Variants in CTNND2 observed in about 807,000 individuals in gnomAD.
CTNND2 encodes catenin delta-2.
In CTNND2, 22 loss-of-function variants were observed where a neutral mutation model predicts 144.4. The observed-to-expected ratio is 0.15, with a 90% CI of 0.11 to 0.22. CTNND2 has a LOEUF of 0.22. CTNND2 is among the 10% of genes least tolerant of loss of function. CTNND2 has a pLI of 1.00. For missense variants in CTNND2, 1,353 were observed against 1,618.8 expected, an observed-to-expected ratio of 0.84 and a Z score of 2.82; for synonymous variants, 751 against 695.6, an observed-to-expected ratio of 1.08 and a Z score of -1.25.
At position 11,384,492 on chromosome 5, in the gene CTNND2, T is replaced by C. The variant is rs1014383568; in HGVS notation, c.1177+173A>G. 9.8e-6 allele frequency: 6 copies of C among 610,186 alleles called. No homozygotes were observed. Among genetic ancestry groups the C allele is most frequent in the African/African-American group, 1.9e-5 (1 of 53,858 alleles). The allele number at this position is 610,186 out of a possible 1,614,324, so 37.8% of individuals were successfully genotyped here. Reference sequence around the variant, plus strand: ...TCCGGAAAAGAAGTCACTGACAAACTGTAGGGAAGATACTGACTTGTTCCA... The same window carrying C: ...TCCGGAAAAGAAGTCACTGACAAACCGTAGGGAAGATACTGACTTGTTCCA... On this transcript the variant is annotated intron_variant, in intron 7 of 21. Coordinates refer to ENST00000304623, the MANE Select transcript of CTNND2 (RefSeq NM_001332.4). This position sits in a 1 kb window ranked among gnomAD's most constrained non-coding sequence, Gnocchi z 5.2.
At chr5:11,345,056 G>A (rs1198546537) in intron 9 of CTNND2, among the ~76,000 whole-genome samples, 2 of 151,938 alleles carry the variant, frequency 1.3e-5, no homozygotes, top group African/African-American at 2.4e-5. Flanking sequence ...TTGTCTTTTA[G>A]CATTTCTTAA....
chr5:11,507,493 C>G (rs1447422042), intron 3 of CTNND2, among the ~76,000 whole-genome samples: 1 of 152,118 alleles, frequency 6.6e-6, no homozygotes, highest in Non-Finnish European at 1.5e-5. Context: ...CTCCTTCCTC[C>G]GTTGCATAAG....
chr5:10,978,496 G>T lies in CTNND2; in HGVS notation c.3417+3277C>A, dbSNP rs1035716044. Among the ~76,000 whole-genome samples, 7 of 133,370 alleles carry T rather than the reference G, an allele frequency of 5.2e-5. No homozygotes were observed. The South Asian group carries it at 1.1e-3, about 21-fold the overall frequency. The allele number at this position is 133,370 out of a possible 152,430, so 87.5% of individuals were successfully genotyped here. A position where few individuals can be genotyped will look rare whatever the true frequency, so the allele number is the denominator to read the frequency against. On this transcript the variant is annotated intron_variant, in intron 21 of 21. Coordinates refer to ENST00000304623, the MANE Select transcript of CTNND2 (RefSeq NM_001332.4). ...TATGATCTCCTTGGAAATACTTTTT[G>T]GGGAGGGGGGGGAACCCTCTCTTTG...
At chr5:11,528,997 T>C (rs569346473) in intron 3 of CTNND2, among the ~76,000 whole-genome samples, 6 of 152,216 alleles carry the variant, frequency 3.9e-5, no homozygotes, top group African/African-American at 1.2e-4. Context: ...TATGGAGTGA[T>C]GAAAATATGT....
chr5:11,768,041 G>T (rs1255649999), intron 1 of CTNND2, among the ~76,000 whole-genome samples: 1 of 151,992 alleles, frequency 6.6e-6, no homozygotes, highest in Non-Finnish European at 1.5e-5. Context: ...TCCAAAATGG[G>T]AGTTGACCTG....
At chr5:11,787,759 T>C (rs1790910537) in intron 1 of CTNND2, among the ~76,000 whole-genome samples, 1 of 152,216 alleles carries the variant, frequency 6.6e-6, no homozygotes, top group African/African-American at 2.4e-5. Flanking sequence ...ATGGATTACT[T>C]TGTACAGTTA....
At chr5:11,443,357 G>T (rs1429692334) in intron 3 of CTNND2, among the ~76,000 whole-genome samples, 5 of 50,974 alleles carry the variant, frequency 9.8e-5, no homozygotes, top group Non-Finnish European at 1.4e-4. Context: ...GTGTGGGAGG[G>T]TGTGTGGGGG....
At chr5:11,641,631 C>T (rs934903891) in intron 2 of CTNND2, among the ~76,000 whole-genome samples, 14 of 137,554 alleles carry the variant, frequency 1.0e-4, no homozygotes, top group South Asian at 2.2e-4. Context: ...TATACATATA[C>T]GTGTGTGTAT....
chr5:11,711,145 T>C (rs1335788551), intron 2 of CTNND2, among the ~76,000 whole-genome samples: 1 of 152,126 alleles, frequency 6.6e-6, no homozygotes. Flanking sequence ...AACCTCTGCC[T>C]CCTGGGTTCA....
At chr5:11,018,572 G>GT (rs1741876319) in intron 17 of CTNND2, among the ~76,000 whole-genome samples, 1 of 152,172 alleles carries the variant, frequency 6.6e-6, no homozygotes, top group Non-Finnish European at 1.5e-5. Context: ...TGCTACCCCA[G>GT]TGAACACACG....
intron 2 of CTNND2, among the ~76,000 whole-genome samples, chr5:11,606,489 G>C (rs1393061404): frequency 6.6e-6 from 1 of 152,144 alleles, no homozygotes; most frequent in Non-Finnish European, 1.5e-5. Context: ...AGGGAATGGA[G>C]GGATCATTTA....
In CTNND2 at chr5:11,466,706, C is replaced by G. The variant is rs61757536; in HGVS notation, c.288-54637G>C. ...GAGGGCATACCTCATGAGATATTGACAAGATGACATTTCCAAGGCCCACAT... is the reference window on the plus strand; with the variant it reads ...GAGGGCATACCTCATGAGATATTGAGAAGATGACATTTCCAAGGCCCACAT... On this transcript the variant is annotated intron_variant, in intron 3 of 21. Transcript: ENST00000304623. 2.7e-3 allele frequency among the ~76,000 whole-genome samples: 405 copies of G among 152,230 alleles called. 2 individuals are homozygous for G. Among genetic ancestry groups the G allele is most frequent in the Non-Finnish European group, 4.3e-3 (295 of 68,006 alleles).
intron 9 of CTNND2, among the ~76,000 whole-genome samples, chr5:11,259,480 G>A (rs1414418078): frequency 2.0e-5 from 3 of 152,192 alleles, no homozygotes; most frequent in Non-Finnish European, 4.4e-5. Context: ...ATTACATGAT[G>A]CAGCCCACTG....
At chr5:11,410,789 A>AT (rs531026134) in intron 5 of CTNND2, among the ~76,000 whole-genome samples, 7 of 151,488 alleles carry the variant, frequency 4.6e-5, no homozygotes, top group South Asian at 2.1e-4. Flanking sequence ...AGAGTACACC[A>AT]TTTTTTTTCC....
At position 11,585,997 on chromosome 5, in the gene CTNND2, G is replaced by T. The variant is rs192191129; in HGVS notation, c.175-20941C>A. On this transcript the variant is annotated intron_variant, in intron 2 of 21. Coordinates refer to ENST00000304623, the MANE Select transcript of CTNND2 (RefSeq NM_001332.4). The stretch of plus-strand genomic sequence containing the variant: ...GAAACATCTTGGGAGGCGTGGGAGG[G>T]ATGGGTGGCTGGTGGCAGAGCACAG... 2.7e-3 allele frequency among the ~76,000 whole-genome samples: 412 copies of T among 152,268 alleles called. 1 individual carries two copies. Among genetic ancestry groups the T allele is most frequent in the African/African-American group, 9.4e-3 (389 of 41,562 alleles).
chr5:11,837,784 G>T (rs992967544), intron 1 of CTNND2, among the ~76,000 whole-genome samples: 2 of 152,134 alleles, frequency 1.3e-5, no homozygotes, highest in Non-Finnish European at 2.9e-5. Flanking sequence ...ACTCCTGAGT[G>T]TACTATAGAG....
intron 9 of CTNND2, among the ~76,000 whole-genome samples, chr5:11,325,878 G>A (rs1242593493): frequency 6.6e-6 from 1 of 152,030 alleles, no homozygotes; most frequent in Non-Finnish European, 1.5e-5. Flanking sequence ...TGGCCATGGA[G>A]TGGTTCTCGC....
chr5:11,492,490 G>A (rs1769490352), intron 3 of CTNND2, among the ~76,000 whole-genome samples: 1 of 134,526 alleles, frequency 7.4e-6, no homozygotes, highest in Non-Finnish European at 1.5e-5. Context: ...TCTTTCTACA[G>A]CTATATATAT....
chr5:11,685,091 A>T (rs1225077614), intron 2 of CTNND2, among the ~76,000 whole-genome samples: 2 of 152,168 alleles, frequency 1.3e-5, no homozygotes, highest in African/African-American at 4.8e-5. Context: ...TCAATTCCTC[A>T]TAGTTTAGTA....
Sources: gnomAD v4.1 joint callset for allele counts (sites outside exome capture counted in the v4.1 genomes callset) on GRCh38, gnomAD v4.1.1 for gene constraint, Gnocchi (gnomAD v3.1) non-coding constraint, MANE v1.5 for transcripts, NCBI Gene and HGNC (gene_info 2026-07-23, HGNC 2026-07-21) for gene names.